The following RYR2 variants were observed in gnomAD, a reference collection of about 807,000 sequenced individuals.
RYR2 encodes ryanodine receptor 2.
In RYR2, 227 loss-of-function variants were observed where a neutral mutation model predicts 601.1. That is an observed-to-expected ratio of 0.38 (90% confidence interval 0.34 to 0.42). The LOEUF is 0.42. Ranked by LOEUF, RYR2 falls within the 10% of genes least tolerant of loss-of-function variation. RYR2 has a pLI of 1.00. For synonymous variants in RYR2, 2,223 were observed against 2,175.1 expected, an observed-to-expected ratio of 1.02 and a Z score of -0.61; for missense variants, 4,646 against 6,156.5, an observed-to-expected ratio of 0.75 and a Z score of 8.21.
rs115166268 is a variant in RYR2, at chr1:237,356,270, G to A, written c.294+285G>A. Among the ~76,000 whole-genome samples, 496 of 151,806 alleles carry A rather than the reference G, an allele frequency of 3.3e-3. 4 individuals are homozygous for A. Among genetic ancestry groups the A allele is most frequent in the African/African-American group, 0.011 (450 of 41,404 alleles). On this transcript the variant is annotated intron_variant, in intron 4 of 104. Coordinates refer to ENST00000366574, the MANE Select transcript of RYR2 (RefSeq NM_001035.3). ...ATTATGTGCTTCTGGCCAACAGAAAGGTGTTTATTATTCATACTGTCTGTA... is the reference window on the plus strand; with the variant it reads ...ATTATGTGCTTCTGGCCAACAGAAAAGTGTTTATTATTCATACTGTCTGTA...
intron 63 of RYR2, among the ~76,000 whole-genome samples, chr1:237,697,565 C>T (rs1407789974): frequency 2.1e-5 from 3 of 143,736 alleles, no homozygotes; most frequent in African/African-American, 7.7e-5. Flanking sequence ...CTGTGGCCTG[C>T]TATTATGTTA....
At chr1:237,667,118 A>T (rs763540102) in intron 57 of RYR2, among the ~76,000 whole-genome samples, 1 of 152,176 alleles carries the variant, frequency 6.6e-6, no homozygotes, top group Non-Finnish European at 1.5e-5. Flanking sequence ...TCATAGTCTC[A>T]TCTGTTCTTT....
chr1:237,617,262 G>C, intron 37 of RYR2, 24 bp from the exon 38 acceptor site: 2 of 1,567,580 alleles, frequency 1.3e-6, no homozygotes, highest in African/African-American at 1.4e-5. Flanking sequence ...AATTAAATTT[G>C]GTGTCTTTTT....
intron 45 of RYR2, 41 bp from the exon 46 acceptor site, chr1:237,638,974 A>T (rs568975473): frequency 6.3e-7 from 1 of 1,598,290 alleles, no homozygotes; most frequent in Non-Finnish European, 8.6e-7. Context: ...GAACTTCCAT[A>T]TAATCATATT....
intron 2 of RYR2, among the ~76,000 whole-genome samples, chr1:237,289,649 CAT>C (rs35768102): frequency 0.26 from 39,169 of 151,970 alleles, 6,101 homozygotes; most frequent in South Asian, 0.37. Context: ...CCTCCCATGA[CAT>C]GTGGGAATTA....
chr1:237,673,224 T>C (rs1176101188), intron 58 of RYR2, among the ~76,000 whole-genome samples: 1 of 152,226 alleles, frequency 6.6e-6, no homozygotes, highest in African/African-American at 2.4e-5. Flanking sequence ...GTTTTACGAA[T>C]GTTAGATGTG....
chr1:237,634,810 A>G, intron 43 of RYR2, 79 bp from the exon 44 acceptor site: 1 of 1,031,538 alleles, frequency 9.7e-7, no homozygotes. Flanking sequence ...ATTAAATTTT[A>G]AGAGGTAGTA....
chr1:237,717,063 C>A, intron 71 of RYR2, 135 bp from the exon 72 acceptor site: 1 of 714,302 alleles, frequency 1.4e-6, no homozygotes, highest in Non-Finnish European at 2.2e-6. Flanking sequence ...AAATTATTCT[C>A]AAAACAGGAG....
chr1:237,146,013 A>G (rs1673959512), intron 1 of RYR2, among the ~76,000 whole-genome samples: 1 of 152,218 alleles, frequency 6.6e-6, no homozygotes, highest in Admixed American at 6.5e-5. Flanking sequence ...TAAAAATGTT[A>G]GAGTAAAATT....
Position 237,501,752 on chromosome 1 carries a change from T to A in RYR2, c.2396+849T>A, listed in dbSNP as rs1447196668. Among the ~76,000 whole-genome samples the A allele has an allele frequency of 2.0e-5, 3 of 152,354 alleles. No individual in the cohort carries two copies. In the South Asian group the frequency reaches 6.2e-4, roughly 32 times the overall value. On this transcript the variant is annotated intron_variant, in intron 21 of 104. Coordinates refer to ENST00000366574, the MANE Select transcript of RYR2 (RefSeq NM_001035.3). The stretch of plus-strand genomic sequence containing the variant: ...CTGATGTATTTATACAAATTATGTT[T>A]CTATAAGCTTCTGGAATGTTTTAAC...
At chr1:237,489,578 A>T (rs143620612) in intron 17 of RYR2, among the ~76,000 whole-genome samples, 1,875 of 152,178 alleles carry the variant, frequency 0.012, 41 homozygotes, top group African/African-American at 0.042. Flanking sequence ...AGTTGCTTGA[A>T]CCCGGGTGGT....
intron 12 of RYR2, among the ~76,000 whole-genome samples, chr1:237,428,347 C>A (rs777098773): frequency 6.6e-6 from 1 of 152,062 alleles, no homozygotes; most frequent in African/African-American, 2.4e-5. Context: ...ATGGAATAAA[C>A]CCAAATGCCC....
intron 89 of RYR2, among the ~76,000 whole-genome samples, chr1:237,782,938 T>C (rs569241463): frequency 2.6e-5 from 4 of 152,300 alleles, no homozygotes; most frequent in South Asian, 4.2e-4. Context: ...CTTCTCCGAT[T>C]GACTCTGTGG....
chr1:237,538,628 T>C (rs12047583), intron 25 of RYR2, among the ~76,000 whole-genome samples: 33,971 of 151,030 alleles, frequency 0.22, 3,973 homozygotes, highest in East Asian at 0.38. Flanking sequence ...AAAAATTAGC[T>C]GGGCGTGGTG....
intron 79 of RYR2, among the ~76,000 whole-genome samples, chr1:237,737,809 C>T (rs962824749): frequency 6.6e-6 from 1 of 152,102 alleles, no homozygotes; most frequent in African/African-American, 2.4e-5. Context: ...TTTTATAAAA[C>T]TCATATTTCT....
At chr1:237,191,430 T>TC (rs975718153) in intron 1 of RYR2, among the ~76,000 whole-genome samples, 1 of 151,590 alleles carries the variant, frequency 6.6e-6, no homozygotes, top group Non-Finnish European at 1.5e-5. Context: ...TTTTTTTTTT[T>TC]CCTTTTTCTA....
At chr1:237,366,588 AAC>A (rs751342050) in intron 5 of RYR2, among the ~76,000 whole-genome samples, 10 of 151,976 alleles carry the variant, frequency 6.6e-5, no homozygotes, top group Non-Finnish European at 1.2e-4. Context: ...GTATTTAAAA[AAC>A]ACAGAGCCAA....
chr1:237,127,039 G>A (rs896647610), intron 1 of RYR2, among the ~76,000 whole-genome samples: 8 of 151,574 alleles, frequency 5.3e-5, no homozygotes, highest in East Asian at 1.9e-4. Flanking sequence ...ATCTTGCACC[G>A]CCCTTAATCC....
chr1:237,644,023 C>G (rs993209191), intron 48 of RYR2, among the ~76,000 whole-genome samples: 2 of 152,152 alleles, frequency 1.3e-5, no homozygotes, highest in African/African-American at 4.8e-5. Flanking sequence ...CAGAAACATG[C>G]ACTGCTACCC....
Sources: gnomAD v4.1 joint callset for allele counts (sites outside exome capture counted in the v4.1 genomes callset) on GRCh38, gnomAD v4.1.1 for gene constraint, MANE v1.5 for transcripts, NCBI Gene and HGNC (gene_info 2026-07-23, HGNC 2026-07-21) for gene names.